MEI4: variants seen among roughly 807,000 people sequenced by gnomAD.
MEI4 encodes the protein meiosis-specific protein MEI4.
Under a neutral mutation model 31.4 loss-of-function variants are expected in MEI4, and 27 were observed. That is an observed-to-expected ratio of 0.86 (90% CI 0.63 to 1.19). MEI4 has a LOEUF of 1.19. Ranked by LOEUF, MEI4 falls within the 50% of genes most tolerant of loss-of-function variation. The probability of loss-of-function intolerance (pLI) is 0.00; values close to 1 mark genes in which losing one functional copy is unlikely to be tolerated. For synonymous variants in MEI4, 122 were observed against 145.4 expected (o/e 0.84, Z 1.16); for missense variants, 329 against 398.9 (o/e 0.82, Z 1.49).
intron 2 of MEI4, among the ~76,000 whole-genome samples, chr6:77,695,085 C>A (rs1582030748): frequency 6.6e-6 from 1 of 152,118 alleles, no homozygotes; most frequent in Admixed American, 6.5e-5. Flanking sequence ...CTGTTCGTAT[C>A]CTTCGCCCAC....
At chr6:77,678,424 A>T (rs977892749) in intron 1 of MEI4, among the ~76,000 whole-genome samples, 6 of 152,138 alleles carry the variant, frequency 3.9e-5, no homozygotes, top group Non-Finnish European at 8.8e-5. Flanking sequence ...TGGAATTTGA[A>T]ATGTTTGGTA....
chr6:77,652,738 A>G (rs1339433078), upstream of MEI4, among the ~76,000 whole-genome samples: 1 of 152,172 alleles, frequency 6.6e-6, no homozygotes, highest in Non-Finnish European at 1.5e-5. Flanking sequence ...CATTCATGTT[A>G]AGTTATTCAG....
intron 3 of MEI4, among the ~76,000 whole-genome samples, chr6:77,776,881 C>T (rs1177082321): frequency 6.6e-6 from 1 of 152,098 alleles, no homozygotes; most frequent in African/African-American, 2.4e-5. Flanking sequence ...GATTTTAAAA[C>T]TTTACTTTGA....
intron 1 of MEI4, among the ~76,000 whole-genome samples, chr6:77,667,054 A>C (rs1768652727): frequency 6.6e-6 from 1 of 152,208 alleles, no homozygotes; most frequent in Non-Finnish European, 1.5e-5. Flanking sequence ...ATGTAAAGAA[A>C]GATGAATATT....
chr6:77,789,791 T>G (rs1259104789), intron 3 of MEI4, among the ~76,000 whole-genome samples: 3 of 152,120 alleles, frequency 2.0e-5, no homozygotes, highest in African/African-American at 7.2e-5. Flanking sequence ...ATAGGAACAC[T>G]TTTACACTGT....
chr6:77,835,221 G>A (rs1329576093), intron 4 of MEI4, among the ~76,000 whole-genome samples: 4 of 150,498 alleles, frequency 2.7e-5, no homozygotes, highest in South Asian at 2.1e-4. Context: ...AAGGCCGGGC[G>A]CGGTGGTGCA....
At chr6:77,704,090 G>A (rs1018125601) in intron 2 of MEI4, among the ~76,000 whole-genome samples, 2 of 152,228 alleles carry the variant, frequency 1.3e-5, no homozygotes, top group Non-Finnish European at 2.9e-5. Flanking sequence ...CAGAGCGCAA[G>A]TGGAAAGACT....
chr6:77,874,049 G>C (rs1359643674), intron 4 of MEI4, among the ~76,000 whole-genome samples: 2 of 152,168 alleles, frequency 1.3e-5, no homozygotes, highest in African/African-American at 4.8e-5. Flanking sequence ...GATGCCTCCA[G>C]CTTTGTTCTT....
intron 4 of MEI4, among the ~76,000 whole-genome samples, chr6:77,873,122 A>T (rs1771240067): frequency 6.6e-6 from 1 of 152,136 alleles, no homozygotes; most frequent in African/African-American, 2.4e-5. Context: ...TTATACAGTA[A>T]TGGGATGGCT....
chr6:77,824,170 A>G (rs913750529), intron 3 of MEI4, among the ~76,000 whole-genome samples: 1 of 151,876 alleles, frequency 6.6e-6, no homozygotes, highest in Non-Finnish European at 1.5e-5. Context: ...ACTCACTGCA[A>G]CCTCCACCTC....
chr6:77,769,284 T>C (rs752404393), intron 3 of MEI4, among the ~76,000 whole-genome samples: 6 of 152,146 alleles, frequency 3.9e-5, no homozygotes, highest in Non-Finnish European at 8.8e-5. Context: ...GAACTCAGCT[T>C]GTGCCCATAG....
intron 2 of MEI4, among the ~76,000 whole-genome samples, chr6:77,730,332 T>G (rs2127666937): frequency 1.3e-5 from 2 of 152,298 alleles, no homozygotes; most frequent in Admixed American, 1.3e-4. Context: ...ACCATGACTT[T>G]GACCTTATTC....
At chr6:77,721,933 CA>C (rs1766717074) in intron 2 of MEI4, among the ~76,000 whole-genome samples, 1 of 130,566 alleles carries the variant, frequency 7.7e-6, no homozygotes, top group Non-Finnish European at 1.7e-5. Flanking sequence ...AATAATATAA[CA>C]GTCTGAAAAC....
intron 2 of MEI4, among the ~76,000 whole-genome samples, chr6:77,726,618 CAG>C (rs1251909514): frequency 1.3e-5 from 2 of 152,010 alleles, no homozygotes; most frequent in African/African-American, 2.4e-5. Context: ...AGACATTAAA[CAG>C]AGGGGAGACA....
At chr6:77,683,381 T>A (rs1768992781) in intron 1 of MEI4, among the ~76,000 whole-genome samples, 1 of 152,136 alleles carries the variant, frequency 6.6e-6, no homozygotes, top group Non-Finnish European at 1.5e-5. Flanking sequence ...AACATGGCAG[T>A]CACCTCATAT....
At chr6:77,692,134 T>C (rs1769168781) in intron 2 of MEI4, among the ~76,000 whole-genome samples, 2 of 151,954 alleles carry the variant, frequency 1.3e-5, no homozygotes, top group Non-Finnish European at 2.9e-5. Context: ...TTGAAATCTC[T>C]TTATTGCCAT....
chr6:77,703,007 A>G (rs1766258502), intron 2 of MEI4, among the ~76,000 whole-genome samples: 1 of 152,084 alleles, frequency 6.6e-6, no homozygotes, highest in Admixed American at 6.6e-5. Flanking sequence ...TCCCCATTAT[A>G]TTCTGTACTT....
chr6:77,743,921 A>G (rs1373047672), intron 2 of MEI4, among the ~76,000 whole-genome samples: 1 of 152,228 alleles, frequency 6.6e-6, no homozygotes, highest in Non-Finnish European at 1.5e-5. Flanking sequence ...GTCTGTTAGA[A>G]GGAAAACTAA....
At chr6:77,883,283 A>G (rs959668414) in intron 4 of MEI4, among the ~76,000 whole-genome samples, 1 of 152,062 alleles carries the variant, frequency 6.6e-6, no homozygotes, top group Non-Finnish European at 1.5e-5. Context: ...CATCTCAAAC[A>G]TTTATCATTT....
Sources: gnomAD v4.1 joint callset for allele counts (sites outside exome capture counted in the v4.1 genomes callset) on GRCh38, gnomAD v4.1.1 for gene constraint, MANE v1.5 for transcripts, NCBI Gene and HGNC (gene_info 2026-07-23, HGNC 2026-07-21) for gene names.